Variants in RADIL observed in about 807,000 individuals in gnomAD.
RADIL encodes ras-associating and dilute domain-containing protein.
RADIL carries 99 observed loss-of-function variants against 97.6 expected under a neutral mutation model. The observed-to-expected ratio is 1.01, with a 90% CI of 0.86 to 1.20. The LOEUF is 1.20. RADIL is among the 50% of genes most tolerant of loss of function. The probability of loss-of-function intolerance (pLI) is 0.00; values close to 1 mark genes in which losing one functional copy is unlikely to be tolerated. For missense variants in RADIL, 1,765 were observed against 1,498.9 expected (o/e 1.18, Z -2.93); for synonymous variants, 803 against 691.8 (o/e 1.16, Z -2.52).
In RADIL at chr7:4,801,678, G is replaced by T; in HGVS notation, c.2817C>A (p.Ser939Arg). ...CTTCCGGAGCTGCACCCCGGAGGCCGCTGAGTCCGTTCCTCTGCCTCTCTG... is the reference window on the plus strand; with the variant it reads ...CTTCCGGAGCTGCACCCCGGAGGCCTCTGAGTCCGTTCCTCTGCCTCTCTG... ...ALPERQRNGL[S>R]GLRGAAPEGD... The change falls in exon 12 of 15, where the codon AGC (serine) becomes AGA (arginine). Residue 939 changes from serine to arginine, a missense_variant. By Grantham distance (110) the Ser-to-Arg change is moderately radical. Transcript: ENST00000399583. 2 of 1,604,450 alleles carry T rather than the reference G, an allele frequency of 1.2e-6. No individual in the cohort carries two copies. The highest frequency in any genetic ancestry group is 2.2e-5 in the East Asian group (1 of 44,450).
chr7:4,857,280 T>C (rs7781638), intron 2 of RADIL, among the ~76,000 whole-genome samples: 6,454 of 152,316 alleles, frequency 0.042, 450 homozygotes, highest in African/African-American at 0.15. Context: ...GTTGTTATTA[T>C]CCCAGCTTCT....
At position 4,875,601 on chromosome 7, in the gene RADIL, G is replaced by A. The variant is rs138258275; in HGVS notation, c.535+2004C>T. ...AGCCACACAGCAGCAACCCTGGCCC[G>A]TGCTCTGCAGCCCCAAGGTGGCCCT... On this transcript the variant is annotated intron_variant, in intron 2 of 14. Coordinates refer to ENST00000399583, the MANE Select transcript of RADIL (RefSeq NM_018059.5). 1.4e-4 allele frequency among the ~76,000 whole-genome samples: 22 copies of A among 152,292 alleles called. No individual in the cohort carries two copies. The East Asian group carries it at 1.7e-3, about 12-fold the overall frequency.
chr7:4,861,252 C>A (rs1783984780), intron 2 of RADIL: 1 of 1,614,122 alleles, frequency 6.2e-7, no homozygotes, highest in Admixed American at 1.7e-5. Flanking sequence ...AGACTGTCAT[C>A]TCTTAAGTCC....
In RADIL at chr7:4,834,330, G is replaced by C. The variant is rs1783231381; in HGVS notation, c.1416+277C>G. On this transcript the variant is annotated intron_variant, in intron 4 of 14. Coordinates refer to ENST00000399583, the MANE Select transcript of RADIL (RefSeq NM_018059.5). This position sits in a 1 kb window ranked among gnomAD's most constrained non-coding sequence, Gnocchi z 6.0. ...TGGGCCCAGCTGGACCCCAGGGAGG[G>C]TACAAGCCCAGAGCTCAGGAGGTGA... is the stretch of plus-strand genomic sequence containing the variant. 6.6e-6 allele frequency among the ~76,000 whole-genome samples: 1 copy of C among 152,154 alleles called. No individual in the cohort carries two copies. The highest frequency in any genetic ancestry group is 1.5e-5 in the Non-Finnish European group (1 of 68,020).
At chr7:4,805,527 T>C in intron 10 of RADIL, 39 bp downstream of exon 10, 1 of 1,527,146 alleles carries the variant, frequency 6.5e-7, no homozygotes, top group Non-Finnish European at 8.8e-7. Context: ...AGTCTCCCAC[T>C]GAGTCCCCAG....
At chr7:4,865,523 A>G in intron 2 of RADIL, 1 of 783,046 alleles carries the variant, frequency 1.3e-6, no homozygotes, top group Non-Finnish European at 2.4e-6. Flanking sequence ...TGCGCAGCCA[A>G]TATTCTTCAA....
chr7:4,816,565 G>T lies in RADIL; in HGVS notation c.1729-100C>A, dbSNP rs569494761. The T allele has an allele frequency of 8.4e-5, 79 of 940,082 alleles. No homozygotes were observed. In the East Asian group the frequency reaches 1.9e-3, roughly 22 times the overall value. The allele number at this position is 940,082 out of a possible 1,614,324, so 58.2% of individuals were successfully genotyped here. A position where few individuals can be genotyped will look rare whatever the true frequency, so the allele number is the denominator to read the frequency against. On this transcript the variant is annotated intron_variant, in intron 7 of 14. Coordinates refer to ENST00000399583, the MANE Select transcript of RADIL (RefSeq NM_018059.5). Reference sequence around the variant, plus strand: ...CGAGCTCCCCACCCACGCACTGCTTGCAGGGACCCGGCCTCGGTAGCTTCC... The same window carrying T: ...CGAGCTCCCCACCCACGCACTGCTTTCAGGGACCCGGCCTCGGTAGCTTCC...
chr7:4,821,338 C>T lies in RADIL; in HGVS notation c.1615+1056G>A, dbSNP rs1782825316. 6.6e-6 allele frequency among the ~76,000 whole-genome samples: 1 copy of T among 152,198 alleles called. No individual in the cohort carries two copies. The highest frequency in any genetic ancestry group is 6.5e-5 in the Admixed American group (1 of 15,280). ...CCAAGGCTTCCCATGAGAGGTCTGG[C>T]CCCCAGTTCCCTGGGCCGGCTCCTC... On this transcript the variant is annotated intron_variant, in intron 6 of 14. Transcript: ENST00000399583. This position sits in a 1 kb window ranked among gnomAD's most constrained non-coding sequence, Gnocchi z 5.2.
intron 13 of RADIL, 136 bp downstream of exon 13, chr7:4,800,035 G>T: frequency 2.3e-6 from 3 of 1,325,378 alleles, no homozygotes; most frequent in South Asian, 3.0e-5. Context: ...CCTCCCAGCT[G>T]CAGAGGCCAA....
chr7:4,875,807 C>A (rs1240984174), intron 2 of RADIL, among the ~76,000 whole-genome samples: 1 of 152,094 alleles, frequency 6.6e-6, no homozygotes, highest in African/African-American at 2.4e-5. Flanking sequence ...AGGGGAGGGA[C>A]CCCATCTCTG....
At chr7:4,804,141 C>T (rs926484966) in intron 10 of RADIL, 3 of 305,408 alleles carry the variant, frequency 9.8e-6, no homozygotes, top group African/African-American at 2.1e-5. Context: ...GGGCTGGAGC[C>T]GACTGCCTCC....
At position 4,821,592 on chromosome 7, in the gene RADIL, C is replaced by T. The variant is rs1483131697; in HGVS notation, c.1615+802G>A. On this transcript the variant is annotated intron_variant, in intron 6 of 14. Transcript: ENST00000399583. This position sits in a 1 kb window ranked among gnomAD's most constrained non-coding sequence, Gnocchi z 5.2. ...GAAATCCTGAAATGGTGGCCAGGCA[C>T]GGTGGCTCATGCCTGTAATCCCAGC... Among the ~76,000 whole-genome samples the T allele has an allele frequency of 1.3e-5, 2 of 152,168 alleles. No homozygotes were observed. The highest frequency in any genetic ancestry group is 2.4e-5 in the African/African-American group (1 of 41,440).
chr7:4,816,547 C>T (rs1233151453), intron 7 of RADIL, 82 bp from the exon 8 acceptor site: 1 of 1,162,936 alleles, frequency 8.6e-7, no homozygotes, highest in African/African-American at 1.5e-5. Flanking sequence ...CAGCGAGCTC[C>T]CCACCCACGC....
rs1171112071 is a variant in RADIL at position 4,837,610 on chromosome 7, C to T, written c.536-1005G>A. ...GCACCCACACAAAAATGCACACACACATGCACACACATGCACCCAAAAACA... is the reference window on the plus strand; with the variant it reads ...GCACCCACACAAAAATGCACACACATATGCACACACATGCACCCAAAAACA... On this transcript the variant is annotated intron_variant, in intron 2 of 14. Transcript: ENST00000399583. The surrounding 1 kb of genome is among the most constrained non-coding windows in gnomAD (Gnocchi z 5.6). 3.3e-5 allele frequency among the ~76,000 whole-genome samples: 5 copies of T among 151,524 alleles called. No homozygotes were observed. The highest frequency in any genetic ancestry group is 1.3e-4 in the Admixed American group (2 of 15,156).
chr7:4,856,887 C>G (rs572347741), intron 2 of RADIL, among the ~76,000 whole-genome samples: 1 of 152,358 alleles, frequency 6.6e-6, no homozygotes, highest in African/African-American at 2.4e-5. Flanking sequence ...TACATATTGT[C>G]TATGACTGAT....
At position 4,810,445 on chromosome 7, in the gene RADIL, G is replaced by T. The variant is rs140963805; in HGVS notation, c.2140-4729C>A. On this transcript the variant is annotated intron_variant, in intron 9 of 14. Transcript: ENST00000399583. ...CGGCCTCCCAAAGTGCCCAGCCGAC[G>T]GTTCAGGTGTGTCCGTGTCTCCCAG... Among the ~76,000 whole-genome samples the T allele has an allele frequency of 2.2e-4, 33 of 152,292 alleles. 1 individual carries two copies. In the Middle Eastern group the frequency reaches 0.01, roughly 47 times the overall value.
In RADIL at chr7:4,853,742, CAAAAAA is replaced by C. The variant is rs34610093; in HGVS notation, c.536-17143_536-17138del. On this transcript the variant is annotated intron_variant, in intron 2 of 14. Coordinates refer to ENST00000399583, the MANE Select transcript of RADIL (RefSeq NM_018059.5). ...GGGCAACAACAGTGAAACTCTGTCT[CAAAAAA>C]AAAAAAAAAAAAATACGCTGGGTGT... 8.0e-4 allele frequency among the ~76,000 whole-genome samples: 81 copies of C among 101,040 alleles called. 3 individuals are homozygous for C. Among genetic ancestry groups the C allele is most frequent in the African/African-American group, 2.5e-3 (69 of 27,398 alleles). 66.3% of individuals were successfully genotyped at this position (101,040 alleles called of 152,430 possible).
intron 2 of RADIL, among the ~76,000 whole-genome samples, chr7:4,870,954 C>A (rs1304361159): frequency 2.6e-5 from 4 of 152,176 alleles, no homozygotes; most frequent in African/African-American, 9.7e-5. Flanking sequence ...CTGAAGGTTA[C>A]TGATTTTTTA....
chr7:4,805,453 G>C (rs1678198443), intron 10 of RADIL, 113 bp downstream of exon 10: 1 of 1,343,292 alleles, frequency 7.4e-7, no homozygotes. Flanking sequence ...AGGTCCCCAG[G>C]AGAGAGGTCC....
Sources: gnomAD v4.1 joint callset for allele counts (sites outside exome capture counted in the v4.1 genomes callset) on GRCh38, gnomAD v4.1.1 for gene constraint, Gnocchi (gnomAD v3.1) non-coding constraint, MANE v1.5 for transcripts, NCBI Gene and HGNC (gene_info 2026-07-23, HGNC 2026-07-21) for gene names.